ADRB3: variants seen among roughly 807,000 people sequenced by gnomAD.
The protein encoded by ADRB3 is beta-3 adrenergic receptor.
A neutral mutation model predicts 23.8 loss-of-function variants in ADRB3; 33 were observed. The ratio of observed to expected loss-of-function variants is 1.38; its 90% CI spans 1.05 to 1.85. ADRB3 has a LOEUF of 1.85. Among genes scored for constraint, ADRB3 ranks in the 40% most tolerant of loss-of-function variants. The probability of loss-of-function intolerance (pLI) is 0.00; values close to 1 mark genes in which losing one functional copy is unlikely to be tolerated. For missense variants in ADRB3, 600 were observed against 579.6 expected (o/e 1.04, Z -0.36); for synonymous variants, 289 against 273.0 (o/e 1.06, Z -0.58).
Position 37,966,047 on chromosome 8 carries a change from G to T in ADRB3, c.423C>A (p.Asn141Lys), listed in dbSNP as rs1478795566. ...TGACCAGTGCGCCGTAACGCAGCGG[G>T]TTGGTCACAGCCAGGTAGCGGTCCA... is the stretch of plus-strand genomic sequence containing the variant. ...LAVDRYLAVT[N>K]PLRYGALVTK... The change falls in exon 1 of 2, where the codon AAC becomes AAA. Residue 141 changes from asparagine (N) to lysine (K), a missense_variant. Transcript: ENST00000345060. The T allele has an allele frequency of 6.3e-7, 1 of 1,593,120 alleles. No homozygotes were observed.
intron 1 of ADRB3, 101 bp downstream of exon 1, chr8:37,965,164 C>G (rs1808269522): frequency 8.3e-7 from 1 of 1,204,488 alleles, no homozygotes; most frequent in South Asian, 1.8e-5. Flanking sequence ...CAAAGCCATC[C>G]CACCTTCTCT....
intron 1 of ADRB3, chr8:37,965,045 G>C: frequency 4.0e-6 from 2 of 502,756 alleles, no homozygotes; most frequent in South Asian, 3.8e-5. Context: ...GGTGAGGAAC[G>C]ACGGCCCGCT....
chr8:37,965,980 C>G lies in ADRB3; in HGVS notation c.490G>C (p.Val164Leu). The G allele has an allele frequency of 6.4e-7, 1 of 1,569,462 alleles. No homozygotes were observed. Among genetic ancestry groups the G allele is most frequent in the Non-Finnish European group, 8.6e-7 (1 of 1,157,044 alleles). Residue 164 changes from valine (V) to leucine (L), a missense_variant, in exon 1 of 2, where the codon GTG becomes CTG. Physicochemically the swap from Val to Leu is conservative, Grantham distance 32. Transcript: ENST00000345060. ...ARTAVVLVWV[V>L]SAAVSFAPIM... ...GGCGCAAACGACACCGCGGCCGACA[C>G]GACCCACACCAGGACCACAGCTGTC... is the stretch of plus-strand genomic sequence containing the variant.
intron 1 of ADRB3, among the ~76,000 whole-genome samples, chr8:37,964,659 C>G (rs1004317593): frequency 5.9e-5 from 9 of 152,220 alleles, no homozygotes; most frequent in Non-Finnish European, 1.5e-5. Flanking sequence ...CGACCCGGCG[C>G]CCTGGCTCCG....
At position 37,965,513 on chromosome 8, in the gene ADRB3, G is replaced by GC. The variant is rs1563397465; in HGVS notation, c.956dup (p.Ser321LeufsTer100). 1.0e-5 allele frequency: 16 copies of GC among 1,551,660 alleles called. No homozygotes were observed. The highest frequency in any genetic ancestry group is 1.1e-5 in the Non-Finnish European group (13 of 1,147,288). On this transcript the variant is annotated frameshift_variant, in exon 1 of 2. Transcript: ENST00000345060. LOFTEE classifies it high-confidence loss of function. ...AAGCCGGGCCCGGGACTAGAGAGGG[G>GC]CCCCCCAGGGCGCGCAGCACGTTGG...
Position 37,965,251 on chromosome 8 carries a change from C to A in ADRB3, c.1205+14G>T, listed in dbSNP as rs4997. The A allele has an allele frequency of 0.084, 126,807 of 1,501,686 alleles. 5,857 individuals carry two copies. Among genetic ancestry groups the A allele is most frequent in the East Asian group, 0.16 (6,694 of 41,246 alleles). The allele number at this position is 1,501,686 out of a possible 1,614,324, so 93.0% of individuals were successfully genotyped here. A position where few individuals can be genotyped will look rare whatever the true frequency, so the allele number is the denominator to read the frequency against. On this transcript the variant is annotated intron_variant, in intron 1 of 1. Transcript: ENST00000345060. ...CGACCCTGAGCCGCCGGTCCCTCTG[C>A]CCCGGTTACCTACCCGTCGAGCCGT...
chr8:37,965,772 C>A lies in ADRB3; in HGVS notation c.698G>T (p.Arg233Leu), dbSNP rs1808295696. The change falls in exon 1 of 2, where the codon CGC (arginine) becomes CTC (leucine). Residue 233 changes from arginine to leucine, a missense_variant. Transcript: ENST00000345060. ...VYARVFVVAT[R>L]QLRLLRGELG... Reference sequence around the variant, plus strand: ...CTCCCCGCGCAGCAAGCGCAGCTGGCGCGTAGCCACCACGAAAACCCGCGC... The same window carrying A: ...CTCCCCGCGCAGCAAGCGCAGCTGGAGCGTAGCCACCACGAAAACCCGCGC... The A allele has an allele frequency of 1.9e-6, 3 of 1,551,064 alleles. No individual in the cohort carries two copies. In the South Asian group the frequency reaches 3.6e-5, roughly 18 times the overall value.
intron 1 of ADRB3, among the ~76,000 whole-genome samples, chr8:37,964,479 T>C (rs989184981): frequency 7.4e-6 from 1 of 134,566 alleles, no homozygotes; most frequent in Non-Finnish European, 1.5e-5. Context: ...GGAAGTGGAT[T>C]CTCACCTCCA....
chr8:37,964,974 A>T, intron 1 of ADRB3: 1 of 375,764 alleles, frequency 2.7e-6, no homozygotes, highest in Non-Finnish European at 4.7e-6. Context: ...AAAGCCGACC[A>T]GGCGAGGCGA....
chr8:37,966,259 T>G lies in ADRB3; in HGVS notation c.211A>C (p.Met71Leu), dbSNP rs1563398217. ...AIAWTPRLQT[M>L]TNVFVTSLAA... ...AGCGAAGTCACGAACACGTTGGTCA[T>G]GGTCTGGAGTCTCGGAGTCCAGGCG... Residue 71 changes from methionine (M) to leucine (L), a missense_variant, in exon 1 of 2, where the codon ATG (methionine) becomes CTG (leucine). Coordinates refer to ENST00000345060, the MANE Select transcript of ADRB3 (RefSeq NM_000025.3). 1.2e-6 allele frequency: 2 copies of G among 1,613,542 alleles called. No individual in the cohort carries two copies. The highest frequency in any genetic ancestry group is 2.7e-5 in the African/African-American group (2 of 74,918).
chr8:37,966,445 T>C lies in ADRB3; in HGVS notation c.25A>G (p.Ser9Gly), dbSNP rs1353192300. The C allele has an allele frequency of 1.2e-6, 2 of 1,603,038 alleles. No individual in the cohort carries two copies. Among genetic ancestry groups the C allele is most frequent in the South Asian group, 2.2e-5 (2 of 89,856 alleles). Residue 9 changes from serine (S) to glycine (G), a missense_variant, in exon 1 of 2, where the codon AGC (serine) becomes GGC (glycine). Ser to Gly is a moderately conservative substitution (Grantham distance 56). Coordinates refer to ENST00000345060, the MANE Select transcript of ADRB3 (RefSeq NM_000025.3). The part of the protein sequence containing the change: MAPWPHEN[S>G]SLAPWPDLPT... The stretch of plus-strand genomic sequence containing the variant: ...AGGTCCGGCCATGGGGCAAGAGAGC[T>C]GTTCTCGTGAGGCCACGGAGCCATC...
Position 37,966,021 on chromosome 8 carries a change from G to T in ADRB3, c.449C>A (p.Thr150Asn), listed in dbSNP as rs908957135. The change falls in exon 1 of 2, where the codon ACC (threonine) becomes AAC (asparagine). Residue 150 changes from threonine to asparagine, a missense_variant. Transcript: ENST00000345060. ...TNPLRYGALV[T>N]KRCARTAVVL... Reference sequence around the variant, plus strand: ...CACAGCTGTCCGGGCGCAGCGCTTGGTGACCAGTGCGCCGTAACGCAGCGG... The same window carrying T: ...CACAGCTGTCCGGGCGCAGCGCTTGTTGACCAGTGCGCCGTAACGCAGCGG... 2 of 1,578,992 alleles carry T rather than the reference G, an allele frequency of 1.3e-6. No homozygotes were observed. Among genetic ancestry groups the T allele is most frequent in the Non-Finnish European group, 1.7e-6 (2 of 1,162,336 alleles).
Position 37,966,066 on chromosome 8 carries a change from C to T in ADRB3, c.404G>A (p.Arg135His). 1 of 1,602,398 alleles carries T rather than the reference C, an allele frequency of 6.2e-7. No individual in the cohort carries two copies. Among genetic ancestry groups the T allele is most frequent in the Non-Finnish European group, 8.5e-7 (1 of 1,174,682 alleles). The change falls in exon 1 of 2, where the codon CGC (arginine) becomes CAC (histidine). Residue 135 changes from arginine (R) to histidine (H), a missense_variant. Coordinates refer to ENST00000345060, the MANE Select transcript of ADRB3 (RefSeq NM_000025.3). The stretch of plus-strand genomic sequence containing the variant: ...CAGCGGGTTGGTCACAGCCAGGTAG[C>T]GGTCCACGGCCAGGGCGCACAGGGT... ...IETLCALAVD[R>H]YLAVTNPLRY...
chr8:37,964,967 G>T, intron 1 of ADRB3: 1 of 357,018 alleles, frequency 2.8e-6, no homozygotes, highest in Non-Finnish European at 4.9e-6. Context: ...AATCCCTAAA[G>T]CCGACCAGGC....
At chr8:37,964,477 A>T (rs1191071187) in intron 1 of ADRB3, among the ~76,000 whole-genome samples, 2 of 133,552 alleles carry the variant, frequency 1.5e-5, no homozygotes, top group South Asian at 4.6e-4. Flanking sequence ...CCGGAAGTGG[A>T]TTCTCACCTC....
At position 37,965,908 on chromosome 8, in the gene ADRB3, G is replaced by C; in HGVS notation, c.562C>G (p.Arg188Gly). ...CAGCAGCGCGGGTTGGAGTGGCAGC[G>C]CTGCGCCTCGGCGTCGGCCCCTACG... ...WRVGADAEAQ[R>G]CHSNPRCCAF... is the part of the protein sequence containing the mutation. The change falls in exon 1 of 2, where the codon CGC (arginine) becomes GGC (glycine). Residue 188 changes from arginine to glycine, a missense_variant. Transcript: ENST00000345060. 1 of 1,551,880 alleles carries C rather than the reference G, an allele frequency of 6.4e-7. No homozygotes were observed. Among genetic ancestry groups the C allele is most frequent in the Non-Finnish European group, 8.7e-7 (1 of 1,147,188 alleles).
At chr8:37,964,338 G>T (rs1808256384) in intron 1 of ADRB3, 99 bp from the exon 2 acceptor site, 2 of 1,115,294 alleles carry the variant, frequency 1.8e-6, no homozygotes, top group Non-Finnish European at 1.3e-6. Flanking sequence ...CGCATATTTA[G>T]TTACACAAAA....
rs556736481 is a variant in ADRB3 at position 37,965,863 on chromosome 8, G to T, written c.607C>A (p.Pro203Thr). Residue 203 changes from proline (P) to threonine (T), a missense_variant, in exon 1 of 2, where the codon CCC becomes ACC. Pro to Thr is a conservative substitution (Grantham distance 38). Transcript: ENST00000345060. ...ACGGAGGAGGACAGCAGCACGTAGG[G>T]CATGTTGGAGGCGAAGGCACAGCAG... is the stretch of plus-strand genomic sequence containing the variant. Reference protein sequence around the residue: ...PRCCAFASNMPYVLLSSSVSF... With the variant: ...PRCCAFASNMTYVLLSSSVSF... 10 of 1,553,658 alleles carry T rather than the reference G, an allele frequency of 6.4e-6. No individual in the cohort carries two copies. The African/African-American group carries it at 8.2e-5, about 13-fold the overall frequency.
At chr8:37,965,241 G>T in intron 1 of ADRB3, 24 bp downstream of exon 1, 1 of 1,486,646 alleles carries the variant, frequency 6.7e-7, no homozygotes. Context: ...CTGAGCCGCC[G>T]GTCCCTCTGC....
Sources: allele counts gnomAD v4.1 joint callset (sites outside exome capture counted in the v4.1 genomes callset), GRCh38; gene constraint gnomAD v4.1.1; transcripts MANE v1.5; gene names NCBI Gene and HGNC (gene_info 2026-07-23, HGNC 2026-07-21).